The following RINT1 variants were observed in gnomAD, a reference collection of about 807,000 sequenced individuals.
RINT1 encodes RAD50-interacting protein 1.
In RINT1, 75 loss-of-function variants were observed where a neutral mutation model predicts 97.7. That is an observed-to-expected ratio of 0.77 (90% CI 0.64 to 0.93). RINT1 has a LOEUF of 0.93. Among genes scored for constraint, RINT1 ranks in the 40% least tolerant of loss-of-function variants. The pLI is 0.00. For synonymous variants in RINT1, 303 were observed against 326.3 expected (o/e 0.93, Z 0.77); for missense variants, 892 against 925.2 (o/e 0.96, Z 0.47).
chr7:105,548,443 ACTGAGTAT>A, intron 6 of RINT1, 103 bp from the exon 7 acceptor site: 2 of 890,156 alleles, frequency 2.2e-6, no homozygotes, highest in Non-Finnish European at 3.7e-6. Flanking sequence ...AATTAACTCT[ACTGAGTAT>A]CTGATACATT....
Position 105,550,629 on chromosome 7 carries a change from T to G in RINT1, c.1333+143T>G, listed in dbSNP as rs1790887194. 17 of 634,090 alleles carry G rather than the reference T, an allele frequency of 2.7e-5. No individual in the cohort carries two copies. The South Asian group carries it at 3.5e-4, about 13-fold the overall frequency. The allele number at this position is 634,090 out of a possible 1,614,324, so 39.3% of individuals were successfully genotyped here. A position where few individuals can be genotyped will look rare whatever the true frequency, so the allele number is the denominator to read the frequency against. ...CAGGGTTTTCTGTTTCCTTCAGAGA[T>G]AATCTTTTCTTTACTTCACATGAAA... On this transcript the variant is annotated intron_variant, in intron 9 of 14. Transcript: ENST00000257700.
At chr7:105,564,003 A>G (rs1046324717) in intron 12 of RINT1, 56 bp downstream of exon 12, 3 of 1,283,452 alleles carry the variant, frequency 2.3e-6, no homozygotes, top group Non-Finnish European at 3.3e-6. Context: ...GTTAAAGAAT[A>G]TGTGGTCAGA....
rs908470303 is a variant in RINT1 at position 105,562,142 on chromosome 7, C to T, written c.1672-1591C>T. ...ACTATGCAAACTCTTCTGCTTTTTCCGGTTAACAATATATCTTGAGATTGT... is the reference window on the plus strand; with the variant it reads ...ACTATGCAAACTCTTCTGCTTTTTCTGGTTAACAATATATCTTGAGATTGT... On this transcript the variant is annotated intron_variant, in intron 11 of 14. Coordinates refer to ENST00000257700, the MANE Select transcript of RINT1 (RefSeq NM_021930.6). Among the ~76,000 whole-genome samples, 7 of 152,080 alleles carry T rather than the reference C, an allele frequency of 4.6e-5. No homozygotes were observed. In the South Asian group the frequency reaches 6.2e-4, roughly 14 times the overall value.
intron 11 of RINT1, among the ~76,000 whole-genome samples, chr7:105,560,563 C>T (rs2133448601): frequency 6.6e-6 from 1 of 152,224 alleles, no homozygotes; most frequent in African/African-American, 2.4e-5. Flanking sequence ...AAATTAACCA[C>T]CAGATTTTAT....
intron 7 of RINT1, among the ~76,000 whole-genome samples, chr7:105,549,541 G>A (rs1199180853): frequency 6.6e-6 from 1 of 151,564 alleles, no homozygotes; most frequent in Non-Finnish European, 1.5e-5. Flanking sequence ...GTGAGACGGG[G>A]TTTCACCATG....
chr7:105,545,688 G>C (rs1272052118), intron 4 of RINT1, among the ~76,000 whole-genome samples: 1 of 151,516 alleles, frequency 6.6e-6, no homozygotes, highest in East Asian at 1.9e-4. Context: ...ACCACGCCTG[G>C]CTAGTTTTTA....
rs185083431 is a variant in RINT1 at position 105,534,476 on chromosome 7, C to G, written c.88+1607C>G. Among the ~76,000 whole-genome samples, 270 of 151,970 alleles carry G rather than the reference C, an allele frequency of 1.8e-3. 6 individuals are homozygous for G. Among genetic ancestry groups the G allele is most frequent in the Non-Finnish European group, 8.8e-4 (60 of 67,968 alleles). On this transcript the variant is annotated intron_variant, in intron 2 of 14. Coordinates refer to ENST00000257700, the MANE Select transcript of RINT1 (RefSeq NM_021930.6). Reference sequence around the variant, plus strand: ...TCCATTTATCTGCAGATACACCACACAAATCACTTGTTTTATTTAAGATTT... The same window carrying G: ...TCCATTTATCTGCAGATACACCACAGAAATCACTTGTTTTATTTAAGATTT...
At chr7:105,567,050 C>G in intron 14 of RINT1, 69 bp from the exon 15 acceptor site, 1 of 997,780 alleles carries the variant, frequency 1.0e-6, no homozygotes, top group Non-Finnish European at 1.4e-6. Context: ...GTTTAGGATT[C>G]TCAAAATTGT....
At chr7:105,537,068 G>A (rs956825308) in intron 3 of RINT1, among the ~76,000 whole-genome samples, 3 of 141,210 alleles carry the variant, frequency 2.1e-5, no homozygotes, top group African/African-American at 7.7e-5. Context: ...GCTTTTACAA[G>A]CAAATAATTT....
chr7:105,542,785 A>T, intron 4 of RINT1, 136 bp downstream of exon 4: 1 of 914,478 alleles, frequency 1.1e-6, no homozygotes, highest in Non-Finnish European at 1.5e-6. Flanking sequence ...TTGTGAAAAT[A>T]GCATTATGAT....
chr7:105,543,542 T>G (rs1790543781), intron 4 of RINT1, among the ~76,000 whole-genome samples: 1 of 152,150 alleles, frequency 6.6e-6, no homozygotes, highest in Non-Finnish European at 1.5e-5. Context: ...CCACCTAGAT[T>G]AGTAGATGAT....
chr7:105,539,018 A>T (rs2133363835), intron 3 of RINT1, among the ~76,000 whole-genome samples: 1 of 152,272 alleles, frequency 6.6e-6, no homozygotes, highest in Non-Finnish European at 1.5e-5. Flanking sequence ...CTTTCCTTTG[A>T]TTGTCAGGCT....
intron 11 of RINT1, among the ~76,000 whole-genome samples, chr7:105,558,518 G>T (rs747832488): frequency 3.9e-5 from 6 of 151,994 alleles, no homozygotes; most frequent in Non-Finnish European, 8.8e-5. Context: ...TGCTTTACTT[G>T]GTGCTATAGT....
chr7:105,567,034 G>T, intron 14 of RINT1, 85 bp from the exon 15 acceptor site: 1 of 771,960 alleles, frequency 1.3e-6, no homozygotes. Flanking sequence ...GCAGTGCAGA[G>T]AAGCTGTTTA....
Position 105,567,185 on chromosome 7 carries a change from GCA to G in RINT1, c.2254_2255del (p.Gln752ValfsTer14). On this transcript the variant is annotated frameshift_variant, in exon 15 of 15. Transcript: ENST00000257700. LOFTEE classifies it high-confidence loss of function. The part of the protein sequence containing the change: ...GSALLLKDVL[Q>X]SASGQLPATA... ...CTGCACTACTGCTGAAAGATGTACT[GCA>G]GTCAGCTTCAGGGCAGCTTCCTGCC... 1 of 1,611,432 alleles carries G rather than the reference GCA, an allele frequency of 6.2e-7. No individual in the cohort carries two copies. Among genetic ancestry groups the G allele is most frequent in the Non-Finnish European group, 8.5e-7 (1 of 1,179,318 alleles).
chr7:105,542,892 T>G (rs1168434889), intron 4 of RINT1, among the ~76,000 whole-genome samples: 1 of 83,492 alleles, frequency 1.2e-5, no homozygotes, highest in African/African-American at 7.4e-5. Context: ...AACTTTTAAG[T>G]TTTTTTTTTT....
rs769831496 is a variant in RINT1 at position 105,542,656 on chromosome 7, T to C, written c.515+7T>C. On this transcript the variant is annotated splice_region_variant and intron_variant, in intron 4 of 14. Coordinates refer to ENST00000257700, the MANE Select transcript of RINT1 (RefSeq NM_021930.6). Reference sequence around the variant, plus strand: ...CACAAATTGAAGAACTAAGGTAAAATGGGCCTCTTTGTTCTCACAATTACT... The same window carrying C: ...CACAAATTGAAGAACTAAGGTAAAACGGGCCTCTTTGTTCTCACAATTACT... The C allele has an allele frequency of 1.9e-6, 3 of 1,611,990 alleles. No individual in the cohort carries two copies. Among genetic ancestry groups the C allele is most frequent in the Admixed American group, 3.4e-5 (2 of 59,672 alleles).
At position 105,562,982 on chromosome 7, in the gene RINT1, T is replaced by G. The variant is rs564618888; in HGVS notation, c.1672-751T>G. Among the ~76,000 whole-genome samples the G allele has an allele frequency of 3.2e-4, 49 of 152,232 alleles. No homozygotes were observed. In the South Asian group the frequency reaches 6.2e-3, roughly 19 times the overall value. On this transcript the variant is annotated intron_variant, in intron 11 of 14. Coordinates refer to ENST00000257700, the MANE Select transcript of RINT1 (RefSeq NM_021930.6). ...CAGCATTTGTTCATAATAGACAAAG[T>G]AGAAGCTACCCAAATGTCCACCAGC...
chr7:105,549,443 C>T (rs1442462038), intron 7 of RINT1, among the ~76,000 whole-genome samples: 2 of 150,888 alleles, frequency 1.3e-5, no homozygotes, highest in Non-Finnish European at 3.0e-5. Context: ...CTGCCTCCCG[C>T]GTTCAAGCGA....
Sources: allele counts gnomAD v4.1 joint callset (sites outside exome capture counted in the v4.1 genomes callset), GRCh38; gene constraint gnomAD v4.1.1; transcripts MANE v1.5; gene names NCBI Gene and HGNC (gene_info 2026-07-23, HGNC 2026-07-21).